Variants in GYG2 observed in about 807,000 individuals in gnomAD.
The protein encoded by GYG2 is glycogenin-2.
In GYG2, 29 loss-of-function variants were observed where a neutral mutation model predicts 29.4. That is an observed-to-expected ratio of 0.99 (90% CI 0.74 to 1.35). The LOEUF is 1.35. GYG2 is among the 40% of genes most tolerant of loss of function. The pLI is 0.00. For synonymous variants in GYG2, 167 were observed against 172.3 expected (o/e 0.97, Z 0.24); for missense variants, 370 against 385.7 (o/e 0.96, Z 0.34).
rs1324380220 is a variant in GYG2, at chrX:2,856,729, CT to C, written c.614+106del. ...CGGCATATTTAAAAACTCTATCTAT[CT>C]ATCTATCATCTATCTATCTATGTAT... On this transcript the variant is annotated intron_variant, in intron 6 of 10. Coordinates refer to ENST00000398806, the MANE Select transcript of GYG2 (RefSeq NM_001079855.2). The C allele has an allele frequency of 4.0e-4, 221 of 546,313 alleles. No homozygotes were observed. In the African/African-American group the frequency reaches 5.2e-3, roughly 13 times the overall value. 45.0% of individuals were successfully genotyped at this position (546,313 alleles called of 1,213,427 possible).
intron 8 of GYG2, among the ~76,000 whole-genome samples, chrX:2,868,456 CAAAAAAAAAAAAA>C (rs148463105): frequency 3.1e-5 from 1 of 32,493 alleles, no homozygotes; most frequent in Non-Finnish European, 6.7e-5. Context: ...GACTCCGTCT[CAAAAAAAAAAAAA>C]AAAAAAAAGG....
chrX:2,864,657 G>A (rs1340318211), intron 8 of GYG2, among the ~76,000 whole-genome samples: 1 of 111,400 alleles, frequency 9.0e-6, no homozygotes, highest in Non-Finnish European at 1.9e-5. Flanking sequence ...ACTGAATCTT[G>A]TACATTAGTG....
chrX:2,866,936 C>G (rs2088311096), intron 8 of GYG2, among the ~76,000 whole-genome samples: 2 of 111,114 alleles, frequency 1.8e-5, no homozygotes. Context: ...ACCCCATCCT[C>G]AAGGGGCAAT....
At position 2,847,533 on chromosome X, in the gene GYG2, CAAAA is replaced by C. The variant is rs34368863; in HGVS notation, c.149+4197_149+4200del. Among the ~76,000 whole-genome samples the C allele has an allele frequency of 3.3e-3, 185 of 56,247 alleles. 2 individuals are homozygous for C. Among genetic ancestry groups the C allele is most frequent in the African/African-American group, 0.012 (175 of 14,853 alleles). The allele number at this position is 56,247 out of a possible 115,157, so 48.8% of individuals were successfully genotyped here. Reference sequence around the variant, plus strand: ...GTGAACCCTGTCTCTACTAAAAGTACAAAAAAAAAAAAAAAAAAAAATTAGCTGG... The same window carrying C: ...GTGAACCCTGTCTCTACTAAAAGTACAAAAAAAAAAAAAAAAATTAGCTGG... On this transcript the variant is annotated intron_variant, in intron 3 of 10. Coordinates refer to ENST00000398806, the MANE Select transcript of GYG2 (RefSeq NM_001079855.2).
intron 3 of GYG2, among the ~76,000 whole-genome samples, chrX:2,844,181 T>A (rs1248378500): frequency 8.9e-6 from 1 of 112,192 alleles, no homozygotes; most frequent in African/African-American, 3.2e-5. Flanking sequence ...TTGAATGTCA[T>A]ATTCTTTGAC....
At chrX:2,834,680 C>T (rs781178384) in intron 2 of GYG2, among the ~76,000 whole-genome samples, 4 of 111,980 alleles carry the variant, frequency 3.6e-5, no homozygotes, top group East Asian at 2.8e-4. Flanking sequence ...ACTGAGAGCA[C>T]GTCATTAGGC....
chrX:2,873,384 C>G (rs1244738077), intron 8 of GYG2, among the ~76,000 whole-genome samples: 1 of 111,962 alleles, frequency 8.9e-6, no homozygotes, highest in African/African-American at 3.2e-5. Flanking sequence ...TATTGAGGTA[C>G]CACTGACAAA....
chrX:2,878,173 TAGTG>T (rs2088641842), intron 10 of GYG2: 1 of 741,677 alleles, frequency 1.3e-6, no homozygotes, highest in African/African-American at 2.3e-5. Context: ...CTGTAGTTAT[TAGTG>T]AGTGACAGGG....
chrX:2,829,424 G>A (rs2087207580), intron 1 of GYG2: 1 of 103,202 alleles, frequency 9.7e-6, no homozygotes. Flanking sequence ...GCCCAAGGCA[G>A]AGGCTGCGGG....
At chrX:2,875,964 T>A (rs1569075829) in intron 9 of GYG2, 50 bp downstream of exon 9, 1 of 726,986 alleles carries the variant, frequency 1.4e-6, no homozygotes, top group Non-Finnish European at 2.1e-6. Context: ...TTATTGCTTG[T>A]TATTTTCTCA....
chrX:2,843,134 G>A, intron 2 of GYG2, 79 bp from the exon 3 acceptor site: 1 of 825,543 alleles, frequency 1.2e-6, no homozygotes, highest in Non-Finnish European at 1.8e-6. Context: ...TCTTGGGAGA[G>A]GAGAGGAGGT....
At chrX:2,831,580 G>A (rs1201072346) in intron 2 of GYG2, among the ~76,000 whole-genome samples, 3 of 111,703 alleles carry the variant, frequency 2.7e-5, no homozygotes, top group South Asian at 3.8e-4. Context: ...TTCTAGGGAC[G>A]CGTTTGGAGC....
At chrX:2,876,627 G>C (rs2088605665) in intron 9 of GYG2, among the ~76,000 whole-genome samples, 1 of 111,318 alleles carries the variant, frequency 9.0e-6, no homozygotes, top group Non-Finnish European at 1.9e-5. Context: ...AAAGAAGATC[G>C]AGTACAGTCC....
intron 2 of GYG2, among the ~76,000 whole-genome samples, chrX:2,840,507 A>G (rs1214970897): frequency 1.8e-5 from 2 of 112,381 alleles, no homozygotes; most frequent in African/African-American, 6.5e-5. Context: ...CTAAAGAAGT[A>G]GTAATCACCA....
chrX:2,844,968 A>G (rs1281302172), intron 3 of GYG2, among the ~76,000 whole-genome samples: 1 of 100,547 alleles, frequency 9.9e-6, no homozygotes, highest in Admixed American at 1.1e-4. Context: ...GTATGTATAT[A>G]TTTATATATA....
At chrX:2,848,800 C>T (rs1428325695) in intron 3 of GYG2, among the ~76,000 whole-genome samples, 2 of 111,777 alleles carry the variant, frequency 1.8e-5, no homozygotes, top group African/African-American at 6.5e-5. Flanking sequence ...TTAAGGTTCA[C>T]TCAAGAGGAA....
chrX:2,863,024 C>T (rs190388217), intron 8 of GYG2, among the ~76,000 whole-genome samples: 4 of 108,671 alleles, frequency 3.7e-5, no homozygotes, highest in African/African-American at 1.3e-4. Context: ...CTCACCACTG[C>T]ACTCCCGCCT....
chrX:2,832,250 GC>G (rs1468374137), intron 2 of GYG2, among the ~76,000 whole-genome samples: 2 of 112,437 alleles, frequency 1.8e-5, no homozygotes, highest in Admixed American at 1.9e-4. Flanking sequence ...TTGTTCCAAA[GC>G]AAAAGTCTGA....
intron 3 of GYG2, among the ~76,000 whole-genome samples, chrX:2,844,954 A>G (rs62643580): frequency 0.14 from 14,259 of 102,981 alleles, 795 homozygotes; most frequent in South Asian, 0.3. Context: ...ATTTTTATAT[A>G]CATGTATGTA....
Sources: allele counts gnomAD v4.1 joint callset (sites outside exome capture counted in the v4.1 genomes callset), GRCh38; gene constraint gnomAD v4.1.1; transcripts MANE v1.5; gene names NCBI Gene and HGNC (gene_info 2026-07-23, HGNC 2026-07-21).